Variants in GOLGB1 observed in about 807,000 individuals in gnomAD.
The protein encoded by GOLGB1 is golgin subfamily B member 1.
Under a neutral mutation model 336.9 loss-of-function variants are expected in GOLGB1, and 174 were observed. The observed-to-expected ratio is 0.52, with a 90% CI of 0.46 to 0.59. The LOEUF is 0.59. Ranked by LOEUF, GOLGB1 falls within the 20% of genes least tolerant of loss-of-function variation. The pLI, the probability that GOLGB1 is intolerant of heterozygous loss-of-function variation, is 0.00. For missense variants in GOLGB1, 3,331 were observed against 3,645.3 expected (o/e 0.91, Z 2.22); for synonymous variants, 1,208 against 1,289.2 (o/e 0.94, Z 1.35).
At chr3:121,727,863 C>T (rs1945795082) in intron 4 of GOLGB1, among the ~76,000 whole-genome samples, 1 of 152,150 alleles carries the variant, frequency 6.6e-6, no homozygotes, top group African/African-American at 2.4e-5. Context: ...CACAGAATAC[C>T]TAGCTCTGTA....
At position 121,669,218 on chromosome 3, in the gene GOLGB1, C is replaced by A. The variant is rs200843850; in HGVS notation, c.9315G>T (p.Leu3105=). The change falls in exon 18 of 22, where the codon CTG becomes CTT. Residue 3105 remains leucine (L), a synonymous_variant. Transcript: ENST00000614479. ...CAVLEKQVQE[L]QAGPLNIDVA... ...TCACCTTCTCTTTACTCACCGCCTG[C>A]AGCTCTTGAACCTGCTTCTCCAAGA... 7.7e-5 allele frequency: 124 copies of A among 1,613,466 alleles called. No homozygotes were observed. Among genetic ancestry groups the A allele is most frequent in the Non-Finnish European group, 7.5e-5 (89 of 1,179,892 alleles).
In GOLGB1 at chr3:121,697,228, C is replaced by G; in HGVS notation, c.3295G>C (p.Val1099Leu). 6.2e-7 allele frequency: 1 copy of G among 1,614,104 alleles called. No individual in the cohort carries two copies. The highest frequency in any genetic ancestry group is 8.5e-7 in the Non-Finnish European group (1 of 1,179,984). The stretch of plus-strand genomic sequence containing the variant: ...TGCAAGGTCTGATTCATCTGTTTGA[C>G]CAGAGCCTGGAATTGCTCTTCAGCT... ...LAAEEQFQAL[V>L]KQMNQTLQDK... The change falls in exon 13 of 22, where the codon GTC becomes CTC. Residue 1099 changes from valine to leucine, a missense_variant. Val to Leu is a conservative substitution (Grantham distance 32). Coordinates refer to ENST00000614479, the MANE Select transcript of GOLGB1 (RefSeq NM_001366282.2).
At chr3:121,739,563 C>CT in intron 1 of GOLGB1, among the ~76,000 whole-genome samples, 1 of 151,026 alleles carries the variant, frequency 6.6e-6, no homozygotes, top group East Asian at 1.9e-4. Flanking sequence ...GAAGATGAAA[C>CT]TAGAAGGAAC....
chr3:121,716,962 C>T lies in GOLGB1; in HGVS notation c.1063G>A (p.Glu355Lys), dbSNP rs757912228. Reference protein sequence around the residue: ...EEMHHLLEQFEQAGQAQAELE... With the variant: ...EEMHHLLEQFKQAGQAQAELE... ...TCAGCCTGGGCTTGGCCTGCTTGCT[C>T]AAACTGTTCTAAAAGATGATGCATT... Residue 355 changes from glutamate (E) to lysine (K), a missense_variant, in exon 9 of 22, where the codon GAG (glutamate) becomes AAG (lysine). Physicochemically the swap from Glu to Lys is moderately conservative, Grantham distance 56 (BLOSUM62 1). Coordinates refer to ENST00000614479, the MANE Select transcript of GOLGB1 (RefSeq NM_001366282.2). 1 of 1,613,978 alleles carries T rather than the reference C, an allele frequency of 6.2e-7. No individual in the cohort carries two copies. The highest frequency in any genetic ancestry group is 1.1e-5 in the South Asian group (1 of 91,040).
intron 6 of GOLGB1, among the ~76,000 whole-genome samples, chr3:121,720,452 T>C (rs1042649079): frequency 2.6e-4 from 39 of 152,168 alleles, no homozygotes; most frequent in African/African-American, 8.7e-4. Flanking sequence ...TTCTGTCTTG[T>C]TTTTAGGTTG....
intron 10 of GOLGB1, among the ~76,000 whole-genome samples, chr3:121,710,040 G>A (rs1944210640): frequency 2.9e-5 from 3 of 104,316 alleles, no homozygotes; most frequent in East Asian, 2.6e-4. Flanking sequence ...CATCTTCAAT[G>A]AAATAGACAA....
Position 121,690,776 on chromosome 3 carries a change from G to C in GOLGB1, c.8588C>G (p.Ser2863Ter). ...TGCAGACCTCTGCTTCCCTTCCTCT[G>C]ACTTTCGAAATTTCTCCAGCTCATT... is the stretch of plus-strand genomic sequence containing the variant. Reference protein sequence around the residue: ...LWNELEKFRKSEEGKQRSAAQ... With the variant: ...LWNELEKFRK Residue 2863 changes from serine to a stop codon, truncating the protein, a stop_gained, in exon 14 of 22, where the codon TCA becomes TGA. Transcript: ENST00000614479. LOFTEE classifies it high-confidence loss of function. The C allele has an allele frequency of 6.3e-7, 1 of 1,594,896 alleles. No individual in the cohort carries two copies. The highest frequency in any genetic ancestry group is 8.5e-7 in the Non-Finnish European group (1 of 1,171,838).
Position 121,695,552 on chromosome 3 carries a change from GCTT to G in GOLGB1, c.4968_4970del (p.Arg1656del), listed in dbSNP as rs1419285950. 7.4e-6 allele frequency: 12 copies of G among 1,613,806 alleles called. No homozygotes were observed. In the East Asian group the frequency reaches 1.1e-4, roughly 15 times the overall value. On this transcript the variant is annotated inframe_deletion, in exon 13 of 22. Transcript: ENST00000614479. ...CTGTCTCCTTCTTGTTTGCCTCTGT[GCTT>G]CTTAACTTGCCATACAGTTCTTGTT...
Position 121,677,034 on chromosome 3 carries a change from C to A in GOLGB1, c.9040-4G>T, listed in dbSNP as rs376566868. The A allele has an allele frequency of 3.7e-6, 6 of 1,613,676 alleles. No individual in the cohort carries two copies. The African/African-American group carries it at 6.7e-5, about 18-fold the overall frequency. On this transcript the variant is annotated splice_polypyrimidine_tract_variant and splice_region_variant and intron_variant, in intron 16 of 21. Coordinates refer to ENST00000614479, the MANE Select transcript of GOLGB1 (RefSeq NM_001366282.2). ...AAGCTGATGTCTCTGGGGATGCCTG[C>A]CAGGACACAAACATTGATCAGATTC... is the stretch of plus-strand genomic sequence containing the variant.
chr3:121,716,886 T>C lies in GOLGB1; in HGVS notation c.1139A>G (p.Glu380Gly). ...ALEQKHKAEMEEKTSHILSLQ... is the reference protein window; with the variant it reads ...ALEQKHKAEMGEKTSHILSLQ... ...ACTCAAAATATGAGAGGTCTTCTCT[T>C]CCATTTCTGCTTTGTGCTTCTGCTC... The change falls in exon 9 of 22, where the codon GAA (glutamate) becomes GGA (glycine). Residue 380 changes from glutamate (E) to glycine (G), a missense_variant. Transcript: ENST00000614479. 6.2e-7 allele frequency: 1 copy of C among 1,614,104 alleles called. No homozygotes were observed. Among genetic ancestry groups the C allele is most frequent in the Non-Finnish European group, 8.5e-7 (1 of 1,179,964 alleles).
chr3:121,730,503 T>C (rs1277813892), intron 2 of GOLGB1, among the ~76,000 whole-genome samples: 2 of 152,144 alleles, frequency 1.3e-5, no homozygotes, highest in African/African-American at 4.8e-5. Context: ...TAAATGAAAT[T>C]ACAAAGCAAA....
At chr3:121,737,969 A>G (rs1263374365) in intron 1 of GOLGB1, among the ~76,000 whole-genome samples, 1 of 152,248 alleles carries the variant, frequency 6.6e-6, no homozygotes, top group Non-Finnish European at 1.5e-5. Flanking sequence ...AGTGTCATAC[A>G]TGAGTACATA....
chr3:121,664,589 C>G lies in GOLGB1; in HGVS notation c.9686G>C (p.Arg3229Pro). ...RRTRSGVGWK[R>P]VLRSLCHSRT... ...TGAATGACAGAGTGAACGCAGGACT[C>G]GCTTCCATCCAACGCCACTCCGGGT... Residue 3229 changes from arginine to proline, a missense_variant, in exon 22 of 22, where the codon CGA becomes CCA. Coordinates refer to ENST00000614479, the MANE Select transcript of GOLGB1 (RefSeq NM_001366282.2). 1 of 1,613,856 alleles carries G rather than the reference C, an allele frequency of 6.2e-7. No individual in the cohort carries two copies. The highest frequency in any genetic ancestry group is 8.5e-7 in the Non-Finnish European group (1 of 1,179,772).
intron 12 of GOLGB1, among the ~76,000 whole-genome samples, chr3:121,699,535 T>C (rs1943218721): frequency 6.6e-6 from 1 of 152,092 alleles, no homozygotes; most frequent in African/African-American, 2.4e-5. Flanking sequence ...AACAAAGAAG[T>C]TGAGATAGAT....
chr3:121,690,544 A>G, intron 14 of GOLGB1, 126 bp downstream of exon 14: 1 of 498,928 alleles, frequency 2.0e-6, no homozygotes, highest in East Asian at 3.2e-5. Flanking sequence ...TGTGGGATAC[A>G]TAATACTTTC....
chr3:121,749,212 AGGGCCTGAGCACAG>A (rs1947585653), intron 1 of GOLGB1: 1 of 152,286 alleles, frequency 6.6e-6, no homozygotes, highest in African/African-American at 2.4e-5. Context: ...AAGTTTGTTT[AGGGCCTGAGCACAG>A]GGGCCCAGCA....
chr3:121,711,282 T>C (rs973599974), intron 10 of GOLGB1, among the ~76,000 whole-genome samples: 26 of 147,770 alleles, frequency 1.8e-4, no homozygotes, highest in South Asian at 2.1e-4. Context: ...CCTAGAAATA[T>C]AAAAAAAAAA....
At chr3:121,688,175 C>CCT (rs923248250) in intron 14 of GOLGB1, among the ~76,000 whole-genome samples, 1 of 151,666 alleles carries the variant, frequency 6.6e-6, no homozygotes, top group African/African-American at 2.4e-5. Flanking sequence ...TCTCCCTCTC[C>CCT]CTCTCTCTCT....
intron 21 of GOLGB1, 140 bp from the exon 22 acceptor site, chr3:121,664,754 C>T: frequency 3.3e-6 from 3 of 899,558 alleles, no homozygotes; most frequent in Non-Finnish European, 5.3e-6. Context: ...GCCTCAGAGT[C>T]AACAACTTGG....
Sources: gnomAD v4.1 joint callset for allele counts (sites outside exome capture counted in the v4.1 genomes callset) on GRCh38, gnomAD v4.1.1 for gene constraint, MANE v1.5 for transcripts, NCBI Gene and HGNC (gene_info 2026-07-23, HGNC 2026-07-21) for gene names.